The following LGR6 variants were observed in gnomAD, a reference collection of about 807,000 sequenced individuals.
LGR6 encodes the protein leucine-rich repeat-containing G protein-coupled receptor 6.
LGR6 carries 45 observed loss-of-function variants against 69.4 expected under a neutral mutation model. That is an observed-to-expected ratio of 0.65 (90% CI 0.51 to 0.83). The LOEUF (loss-of-function observed/expected upper bound fraction) is 0.83, where lower values mean the gene tolerates loss of function less well. LGR6 is among the 40% of genes least tolerant of loss of function. The probability of loss-of-function intolerance (pLI) is 0.00; values close to 1 mark genes in which losing one functional copy is unlikely to be tolerated. For synonymous variants in LGR6, 538 were observed against 555.0 expected (o/e 0.97, Z 0.43); for missense variants, 1,108 against 1,246.7 (o/e 0.89, Z 1.68).
intron 4 of LGR6, among the ~76,000 whole-genome samples, chr1:202,237,677 AG>A (rs1311418760): frequency 6.6e-6 from 1 of 152,182 alleles, no homozygotes; most frequent in Non-Finnish European, 1.5e-5. Flanking sequence ...CCAGACCATT[AG>A]CTTCCACTTT....
At chr1:202,235,849 G>A in intron 3 of LGR6, 73 bp from the exon 4 acceptor site, 1 of 1,336,164 alleles carries the variant, frequency 7.5e-7, no homozygotes, top group Non-Finnish European at 1.1e-6. Flanking sequence ...GGGGGTTCAA[G>A]GGAGGAGTCA....
chr1:202,243,344 G>T (rs1662370056), intron 4 of LGR6, among the ~76,000 whole-genome samples: 1 of 152,128 alleles, frequency 6.6e-6, no homozygotes, highest in African/African-American at 2.4e-5. Flanking sequence ...GCTGCCTGGG[G>T]AGGTAGGGGA....
intron 16 of LGR6, among the ~76,000 whole-genome samples, chr1:202,311,735 G>C (rs1374490127): frequency 6.6e-6 from 1 of 152,214 alleles, no homozygotes; most frequent in Non-Finnish European, 1.5e-5. Flanking sequence ...AAGACTAAAA[G>C]ATTCCATAAA....
intron 4 of LGR6, among the ~76,000 whole-genome samples, chr1:202,243,188 C>T (rs554862573): frequency 1.3e-5 from 2 of 152,264 alleles, no homozygotes; most frequent in South Asian, 2.1e-4. Flanking sequence ...CAGGAACCAT[C>T]GTATTTCCAG....
chr1:202,205,969 A>AACACACACACACACACACACACAC (rs10522754), intron 1 of LGR6, among the ~76,000 whole-genome samples: 94 of 149,098 alleles, frequency 6.3e-4, no homozygotes, highest in Middle Eastern at 3.5e-3. Flanking sequence ...ACAGACACAC[A>AACACACACACACACACACACACAC]ACACACACAC....
At chr1:202,238,163 C>T (rs2924107) in intron 4 of LGR6, among the ~76,000 whole-genome samples, 76,215 of 151,620 alleles carry the variant, frequency 0.5, 19,844 homozygotes, top group East Asian at 0.69. Context: ...GTGACCTGAT[C>T]GCAACTCACT....
chr1:202,319,120 G>T lies in LGR6; in HGVS notation c.2817G>T (p.Arg939Ser), dbSNP rs1371226994. ...CCATGGATGGAGAACTGCTGCTGAGGGCAGAGGGATCTACGCCAGCAGGTG... is the reference window on the plus strand; with the variant it reads ...CCATGGATGGAGAACTGCTGCTGAGTGCAGAGGGATCTACGCCAGCAGGTG... The part of the protein sequence containing the change: ...QPSMDGELLL[R>S]AEGSTPAGGG... Residue 939 changes from arginine (R) to serine (S), a missense_variant, in exon 18 of 18, where the codon AGG (arginine) becomes AGT (serine). Coordinates refer to ENST00000367278, the MANE Select transcript of LGR6 (RefSeq NM_001017403.2). 5 of 1,614,130 alleles carry T rather than the reference G, an allele frequency of 3.1e-6. No individual in the cohort carries two copies. The highest frequency in any genetic ancestry group is 4.2e-6 in the Non-Finnish European group (5 of 1,180,046).
intron 1 of LGR6, among the ~76,000 whole-genome samples, chr1:202,216,851 A>G (rs930735): frequency 0.44 from 66,570 of 152,078 alleles, 14,750 homozygotes; most frequent in Non-Finnish European, 0.47. Flanking sequence ...ATGCAATCCC[A>G]GTGCCACGCT....
At chr1:202,278,348 G>A (rs555319966) in intron 5 of LGR6, among the ~76,000 whole-genome samples, 1 of 152,060 alleles carries the variant, frequency 6.6e-6, no homozygotes, top group Non-Finnish European at 1.5e-5. Context: ...GGGAGTCATG[G>A]GTGACTCCAA....
At chr1:202,256,832 C>T (rs1356485760) in intron 4 of LGR6, among the ~76,000 whole-genome samples, 1 of 152,140 alleles carries the variant, frequency 6.6e-6, no homozygotes, top group African/African-American at 2.4e-5. Flanking sequence ...ATATTTCTGC[C>T]AGTATTGTAT....
intron 1 of LGR6, chr1:202,203,980 T>G: frequency 1.3e-6 from 1 of 798,944 alleles, no homozygotes; most frequent in Non-Finnish European, 2.2e-6. Flanking sequence ...GTTCACTATG[T>G]CTTTGTAGGG....
intron 1 of LGR6, among the ~76,000 whole-genome samples, chr1:202,205,989 C>CACACA (rs1553238578): frequency 1.5e-4 from 22 of 148,232 alleles, no homozygotes; most frequent in African/African-American, 3.8e-4. Flanking sequence ...CACACACACA[C>CACACA]CCCTAGTATG....
chr1:202,233,554 G>A (rs960584988), intron 3 of LGR6, among the ~76,000 whole-genome samples: 3 of 152,144 alleles, frequency 2.0e-5, no homozygotes, highest in Admixed American at 2.0e-4. Flanking sequence ...CACTAAGCAG[G>A]GCAGAGGGCA....
chr1:202,264,608 G>A (rs1664501562), intron 4 of LGR6, among the ~76,000 whole-genome samples: 3 of 152,320 alleles, frequency 2.0e-5, no homozygotes, highest in South Asian at 2.1e-4. Context: ...ATGGCTTTTT[G>A]TAGTTCCCAC....
chr1:202,304,895 T>C (rs1296039747), intron 11 of LGR6, among the ~76,000 whole-genome samples: 1 of 152,028 alleles, frequency 6.6e-6, no homozygotes, highest in East Asian at 1.9e-4. Context: ...TTTGTAAGGG[T>C]TGGAAAAAAT....
Position 202,276,516 on chromosome 1 carries a change from G to C in LGR6, c.639G>C (p.Val213=). The C allele has an allele frequency of 6.2e-7, 1 of 1,612,564 alleles. No individual in the cohort carries two copies. The highest frequency in any genetic ancestry group is 8.5e-7 in the Non-Finnish European group (1 of 1,179,194). The part of the protein sequence containing the change: ...DYAFQNLTSL[V]VLHLHNNRIQ... ...CGTTCCAGAATCTCACCAGCCTTGT[G>C]GTGCTGTGAGTGCTGCTCTGTTCCC... Residue 213 remains valine, a synonymous_variant, in exon 5 of 18, where the codon GTG becomes GTC. Transcript: ENST00000367278.
chr1:202,306,874 C>A lies in LGR6; in HGVS notation c.1143C>A (p.Leu381=), dbSNP rs768945312. 2.6e-5 allele frequency: 42 copies of A among 1,613,958 alleles called. No individual in the cohort carries two copies. The highest frequency in any genetic ancestry group is 3.4e-5 in the Non-Finnish European group (40 of 1,179,992). The change falls in exon 13 of 18, where the codon CTC becomes CTA. Residue 381 remains leucine (L), a synonymous_variant. Coordinates refer to ENST00000367278, the MANE Select transcript of LGR6 (RefSeq NM_001017403.2). ...GCCTCTCTTGCTGCCCTAGCGGCCT[C>A]CAACACAACCGCATCTGGGAAATTG... The part of the protein sequence containing the change: ...HRCQKLEEIG[L]QHNRIWEIGA...
intron 4 of LGR6, among the ~76,000 whole-genome samples, chr1:202,246,056 TC>T (rs1662647116): frequency 9.1e-6 from 1 of 109,516 alleles, no homozygotes; most frequent in Non-Finnish European, 1.8e-5. Context: ...CATTCATCCA[TC>T]CCTCCCTCCC....
At chr1:202,301,335 G>T in intron 9 of LGR6, 100 bp downstream of exon 9, 1 of 1,019,238 alleles carries the variant, frequency 9.8e-7, no homozygotes, top group African/African-American at 1.6e-5. Context: ...TCCCTTGCAA[G>T]GCACAAGTCC....
Sources: gnomAD v4.1 joint callset for allele counts (sites outside exome capture counted in the v4.1 genomes callset) on GRCh38, gnomAD v4.1.1 for gene constraint, MANE v1.5 for transcripts, NCBI Gene and HGNC (gene_info 2026-07-23, HGNC 2026-07-21) for gene names.